Variants in EHMT1 observed in about 807,000 individuals in gnomAD.
EHMT1 encodes histone-lysine N-methyltransferase EHMT1.
Under a neutral mutation model 147.2 loss-of-function variants are expected in EHMT1, and 15 were observed. The ratio of observed to expected loss-of-function variants is 0.10; its 90% CI spans 0.07 to 0.16. The LOEUF is 0.16. EHMT1 is among the 10% of genes least tolerant of loss of function. The pLI is 1.00. For synonymous variants in EHMT1, 795 were observed against 709.6 expected, an observed-to-expected ratio of 1.12 and a Z score of -1.91; for missense variants, 1,587 against 1,772.4, an observed-to-expected ratio of 0.90 and a Z score of 1.88.
At chr9:137,832,556 T>G (rs1424678115) in intron 25 of EHMT1, 4 of 98,742 alleles carry the variant, frequency 4.1e-5, no homozygotes, top group African/African-American at 1.6e-4. Context: ...ATGTGGCCCC[T>G]GTGCCTTCTC....
Position 137,813,614 on chromosome 9 carries a change from A to C in EHMT1, c.3180+84A>C. ...CTTGAGCCTGGGGTCCTGGGTTCTC[A>C]CCACTCAGAGCAGGAGGGCTTATGG... On this transcript the variant is annotated intron_variant, in intron 21 of 26. Coordinates refer to ENST00000460843, the MANE Select transcript of EHMT1 (RefSeq NM_024757.5). The surrounding 1 kb of genome is among the most constrained non-coding windows in gnomAD (Gnocchi z 4.9). 1 of 1,581,676 alleles carries C rather than the reference A, an allele frequency of 6.3e-7. No homozygotes were observed. The highest frequency in any genetic ancestry group is 8.6e-7 in the Non-Finnish European group (1 of 1,163,908).
At chr9:137,658,919 C>T (rs1040607511) in intron 1 of EHMT1, among the ~76,000 whole-genome samples, 1 of 152,158 alleles carries the variant, frequency 6.6e-6, no homozygotes, top group African/African-American at 2.4e-5. Context: ...GCTACTGTGC[C>T]AGCCCAGGAA....
At chr9:137,675,510 C>A (rs1050731750) in intron 1 of EHMT1, among the ~76,000 whole-genome samples, 71 of 152,044 alleles carry the variant, frequency 4.7e-4, no homozygotes, top group African/African-American at 1.7e-3. Flanking sequence ...GTTGCCCAGG[C>A]TGGAGTGCAG....
chr9:137,788,409 G>T, intron 15 of EHMT1: 1 of 245,680 alleles, frequency 4.1e-6, no homozygotes, highest in Non-Finnish European at 7.8e-6. Flanking sequence ...GGTGTAAGGA[G>T]GTTGCAGGTT....
intron 2 of EHMT1, among the ~76,000 whole-genome samples, chr9:137,715,345 A>G (rs1049286279): frequency 6.6e-6 from 1 of 152,254 alleles, no homozygotes; most frequent in Non-Finnish European, 1.5e-5. Context: ...TTTTTAAAAC[A>G]TAGTTGTTTA....
At position 137,812,936 on chromosome 9, in the gene EHMT1, A is replaced by G. The variant is rs937565378; in HGVS notation, c.2868-70A>G. 3 of 1,589,742 alleles carry G rather than the reference A, an allele frequency of 1.9e-6. No homozygotes were observed. In the African/African-American group the frequency reaches 4.0e-5, roughly 21 times the overall value. The stretch of plus-strand genomic sequence containing the variant: ...TATTGTTAGTGATGACGGACATTTT[A>G]TAAATCTCATCTGTATCACATTTTC... On this transcript the variant is annotated intron_variant, in intron 19 of 26. Coordinates refer to ENST00000460843, the MANE Select transcript of EHMT1 (RefSeq NM_024757.5).
At chr9:137,736,433 GAAAGGA>G (rs765434613) in intron 4 of EHMT1, among the ~76,000 whole-genome samples, 9 of 152,196 alleles carry the variant, frequency 5.9e-5, no homozygotes, top group Non-Finnish European at 7.3e-5. Flanking sequence ...TAGCAAATAA[GAAAGGA>G]AATGGAGGAC....
At chr9:137,797,331 C>A (rs1953045673) in intron 16 of EHMT1, among the ~76,000 whole-genome samples, 1 of 152,126 alleles carries the variant, frequency 6.6e-6, no homozygotes, top group Non-Finnish European at 1.5e-5. Flanking sequence ...TCTCAATCCC[C>A]TCACCCCACC....
At chr9:137,700,872 A>G (rs1943767756) in intron 1 of EHMT1, among the ~76,000 whole-genome samples, 1 of 152,210 alleles carries the variant, frequency 6.6e-6, no homozygotes, top group Non-Finnish European at 1.5e-5. Flanking sequence ...TGCTATAAAG[A>G]CATACCTGAG....
At chr9:137,792,532 C>T (rs1012206746) in intron 16 of EHMT1, among the ~76,000 whole-genome samples, 1 of 152,026 alleles carries the variant, frequency 6.6e-6, no homozygotes, top group Non-Finnish European at 1.5e-5. Context: ...TGGTGAAACC[C>T]GGTCTCTACT....
At chr9:137,705,421 G>A (rs1944182552) in intron 1 of EHMT1, among the ~76,000 whole-genome samples, 3 of 152,220 alleles carry the variant, frequency 2.0e-5, no homozygotes, top group Admixed American at 6.5e-5. Flanking sequence ...GAGATAATGT[G>A]ATTTTTAAGT....
At chr9:137,821,651 T>G (rs1289448448) in intron 25 of EHMT1, among the ~76,000 whole-genome samples, 2 of 152,186 alleles carry the variant, frequency 1.3e-5, no homozygotes, top group African/African-American at 2.4e-5. Flanking sequence ...AGTTTGTGTC[T>G]TGTTCTTTTT....
chr9:137,765,017 G>A (rs1950123132), intron 10 of EHMT1, among the ~76,000 whole-genome samples: 1 of 152,270 alleles, frequency 6.6e-6, no homozygotes. Flanking sequence ...CGAGAATGCT[G>A]TGGAGGTTCG....
At chr9:137,622,086 G>A (rs956416342) in intron 1 of EHMT1, among the ~76,000 whole-genome samples, 1 of 150,854 alleles carries the variant, frequency 6.6e-6, no homozygotes, top group Non-Finnish European at 1.5e-5. Flanking sequence ...TTTAGCATTA[G>A]GTATATCTCC....
chr9:137,743,294 C>G (rs1414147592), intron 4 of EHMT1, 77 bp from the exon 5 acceptor site: 6 of 1,514,270 alleles, frequency 4.0e-6, no homozygotes, highest in Non-Finnish European at 4.4e-6. Flanking sequence ...TGTAAACTGT[C>G]TCTTACCTTT....
At chr9:137,737,796 A>G (rs563296853) in intron 4 of EHMT1, among the ~76,000 whole-genome samples, 7 of 152,348 alleles carry the variant, frequency 4.6e-5, no homozygotes, top group African/African-American at 1.7e-4. Flanking sequence ...GCACCTGTGG[A>G]GTAGGAGAAA....
intron 6 of EHMT1, among the ~76,000 whole-genome samples, chr9:137,751,489 T>G (rs1443895914): frequency 6.6e-6 from 1 of 152,126 alleles, no homozygotes; most frequent in East Asian, 1.9e-4. Flanking sequence ...CATGGGTGCC[T>G]GTCCACCGGG....
intron 1 of EHMT1, among the ~76,000 whole-genome samples, chr9:137,641,818 C>CT (rs1177947402): frequency 1.3e-5 from 2 of 151,804 alleles, no homozygotes; most frequent in African/African-American, 4.8e-5. Flanking sequence ...GCTCATAGGA[C>CT]TAAGATCACA....
chr9:137,692,988 G>A (rs2134931700), intron 1 of EHMT1, among the ~76,000 whole-genome samples: 1 of 152,306 alleles, frequency 6.6e-6, no homozygotes, highest in Non-Finnish European at 1.5e-5. Flanking sequence ...CGGCTGGACG[G>A]CACCTCTGCC....
Sources: gnomAD v4.1 joint callset for allele counts (sites outside exome capture counted in the v4.1 genomes callset) on GRCh38, gnomAD v4.1.1 for gene constraint, Gnocchi (gnomAD v3.1) non-coding constraint, MANE v1.5 for transcripts, NCBI Gene and HGNC (gene_info 2026-07-23, HGNC 2026-07-21) for gene names.